DNAAF1: variants seen among roughly 807,000 people sequenced by gnomAD.
DNAAF1 encodes the protein dynein assembly factor 1, axonemal.
Under a neutral mutation model 71.1 loss-of-function variants are expected in DNAAF1, and 65 were observed. That is an observed-to-expected ratio of 0.91 (90% CI 0.75 to 1.12). The LOEUF is 1.12. Among genes scored for constraint, DNAAF1 ranks in the 50% most tolerant of loss-of-function variants. The pLI is 0.00. For missense variants in DNAAF1, 1,178 were observed against 899.8 expected (o/e 1.31, Z -3.96); for synonymous variants, 414 against 354.6 (o/e 1.17, Z -1.88).
chr16:84,147,344 T>C lies in DNAAF1; in HGVS notation c.125-1663T>C, dbSNP rs117038576. 5.1e-4 allele frequency among the ~76,000 whole-genome samples: 77 copies of C among 152,324 alleles called. 1 individual carries two copies. The highest frequency in any genetic ancestry group is 7.3e-4 in the Non-Finnish European group (50 of 68,032). On this transcript the variant is annotated intron_variant, in intron 1 of 11. Coordinates refer to ENST00000378553, the MANE Select transcript of DNAAF1 (RefSeq NM_178452.6). ...ACGCACAGCCTTTAGTCTTGTTCAA[T>C]AGACCACACAAACACAGAAAGCAGC... is the stretch of plus-strand genomic sequence containing the variant.
intron 9 of DNAAF1, 77 bp downstream of exon 9, chr16:84,172,452 G>C (rs1214037261): frequency 6.4e-7 from 1 of 1,567,048 alleles, no homozygotes; most frequent in Non-Finnish European, 8.7e-7. Context: ...GCAGACTTTG[G>C]AGACCCTCGA....
At chr16:84,160,508 C>T (rs907590897) in intron 6 of DNAAF1, among the ~76,000 whole-genome samples, 3 of 152,142 alleles carry the variant, frequency 2.0e-5, no homozygotes, top group Non-Finnish European at 4.4e-5. Flanking sequence ...ATATAGGCTA[C>T]TTGACGAGAT....
chr16:84,158,150 A>AG (rs1208686142), intron 5 of DNAAF1, among the ~76,000 whole-genome samples: 1 of 151,902 alleles, frequency 6.6e-6, no homozygotes, highest in Non-Finnish European at 1.5e-5. Context: ...GCTTGCAGCG[A>AG]CCCGAGATCG....
chr16:84,150,383 A>G, intron 3 of DNAAF1, 41 bp downstream of exon 3: 1 of 1,455,156 alleles, frequency 6.9e-7, no homozygotes. Flanking sequence ...TCAGGTGGAA[A>G]GATTCTGTCT....
At chr16:84,175,822 C>G in intron 10 of DNAAF1, 111 bp from the exon 11 acceptor site, 3 of 1,395,542 alleles carry the variant, frequency 2.1e-6, no homozygotes, top group Non-Finnish European at 3.0e-6. Context: ...TTGGATGTGG[C>G]AACAGAATAC....
At chr16:84,172,125 C>G (rs2088388074) in intron 8 of DNAAF1, 135 bp from the exon 9 acceptor site, 4 of 806,902 alleles carry the variant, frequency 5.0e-6, no homozygotes, top group Non-Finnish European at 8.5e-6. Context: ...GATCCGCCCA[C>G]CTTGGCCCCC....
In DNAAF1 at chr16:84,160,035, T is replaced by A. The variant is rs35219837; in HGVS notation, c.863+239T>A. 0.3 allele frequency among the ~76,000 whole-genome samples: 45,885 copies of A among 152,022 alleles called. 7,103 individuals are homozygous for A. Among genetic ancestry groups the A allele is most frequent in the East Asian group, 0.42 (2,149 of 5,156 alleles). ...GTCGTTTACCTCTTTGCTGATGAGT[T>A]CCTTGGAATGGAATTTTTGGAGTAG... On this transcript the variant is annotated intron_variant, in intron 6 of 11. Coordinates refer to ENST00000378553, the MANE Select transcript of DNAAF1 (RefSeq NM_178452.6).
Position 84,170,078 on chromosome 16 carries a change from C to T in DNAAF1, c.1250C>T (p.Pro417Leu), listed in dbSNP as rs1209071071. 2 of 1,612,616 alleles carry T rather than the reference C, an allele frequency of 1.2e-6. No individual in the cohort carries two copies. Among genetic ancestry groups the T allele is most frequent in the Non-Finnish European group, 8.5e-7 (1 of 1,179,438 alleles). The change falls in exon 8 of 12, where the codon CCA (proline) becomes CTA (leucine). Residue 417 changes from proline (P) to leucine (L), a missense_variant. By Grantham distance (98) the Pro-to-Leu change is moderately conservative (BLOSUM62 -3). Transcript: ENST00000378553. Reference protein sequence around the residue: ...DGGPEPEGTLPAETLLLSSPV... With the variant: ...DGGPEPEGTLLAETLLLSSPV... ...GGTCCAGAGCCAGAGGGGACCCTCC[C>T]AGCTGAGACCCTGCTACTGTCGTCA...
rs2088240230 is a variant in DNAAF1 at position 84,170,027 on chromosome 16, C to T, written c.1199C>T (p.Pro400Leu). ...GAAAAGCCAAGTGGAGAGGAGCCGC[C>T]TGTGGAGGCTAAAAGAGAGGATGGA... Reference protein sequence around the residue: ...CPEKPSGEEPPVEAKREDGGP... With the variant: ...CPEKPSGEEPLVEAKREDGGP... Residue 400 changes from proline to leucine, a missense_variant, in exon 8 of 12, where the codon CCT (proline) becomes CTT (leucine). By Grantham distance (98) the Pro-to-Leu change is moderately conservative (BLOSUM62 -3). Coordinates refer to ENST00000378553, the MANE Select transcript of DNAAF1 (RefSeq NM_178452.6). The T allele has an allele frequency of 2.5e-6, 4 of 1,613,758 alleles. No homozygotes were observed. In the South Asian group the frequency reaches 4.4e-5, roughly 18 times the overall value.
chr16:84,145,479 A>T lies in DNAAF1; in HGVS notation c.39A>T (p.Ala13=). The change falls in exon 1 of 12, where the codon GCA becomes GCT. Residue 13 remains alanine, a synonymous_variant. Transcript: ENST00000378553. ...CCTCGGAGCCTGCGACAGGTGGTGCAGCAGAGCTGGATTGCGCGCAGGAGC... is the reference window on the plus strand; with the variant it reads ...CCTCGGAGCCTGCGACAGGTGGTGCTGCAGAGCTGGATTGCGCGCAGGAGC... ...PEPSEPATGG[A]AELDCAQEPG... The T allele has an allele frequency of 6.3e-7, 1 of 1,576,690 alleles. No homozygotes were observed. Among genetic ancestry groups the T allele is most frequent in the South Asian group, 1.2e-5 (1 of 85,840 alleles).
At chr16:84,165,212 A>AT (rs1195153144) in intron 6 of DNAAF1, among the ~76,000 whole-genome samples, 1 of 151,726 alleles carries the variant, frequency 6.6e-6, no homozygotes, top group Non-Finnish European at 1.5e-5. Context: ...CTGCCTTTTC[A>AT]TTTTTTTAAA....
chr16:84,167,526 A>AGATGT (rs1456893854), intron 7 of DNAAF1, among the ~76,000 whole-genome samples: 2 of 152,292 alleles, frequency 1.3e-5, no homozygotes, highest in East Asian at 3.9e-4. Context: ...TTCGAACAAA[A>AGATGT]GATGTGCCTG....
chr16:84,153,179 A>C (rs2087262308), intron 3 of DNAAF1, among the ~76,000 whole-genome samples: 1 of 152,180 alleles, frequency 6.6e-6, no homozygotes, highest in African/African-American at 2.4e-5. Context: ...ATAGATACTG[A>C]CTTCAGCATG....
At chr16:84,163,873 T>TG (rs1555523655) in intron 6 of DNAAF1, among the ~76,000 whole-genome samples, 3,000 of 149,402 alleles carry the variant, frequency 0.02, 65 homozygotes, top group African/African-American at 0.049. Flanking sequence ...TTTTTTTTTT[T>TG]GTGGGGGACA....
intron 7 of DNAAF1, among the ~76,000 whole-genome samples, chr16:84,166,382 T>C (rs2087998798): frequency 6.7e-6 from 1 of 148,562 alleles, no homozygotes; most frequent in Admixed American, 6.7e-5. Flanking sequence ...TTTTTTTTTT[T>C]TTTTTTTTGG....
intron 9 of DNAAF1, chr16:84,173,135 G>A: frequency 1.0e-6 from 1 of 985,946 alleles, no homozygotes; most frequent in Non-Finnish European, 1.2e-6. Flanking sequence ...TGTTTCTAAT[G>A]TTCAAACTTC....
chr16:84,177,673 C>A (rs560084405), intron 11 of DNAAF1, 56 bp from the exon 12 acceptor site: 4 of 1,495,864 alleles, frequency 2.7e-6, no homozygotes, highest in African/African-American at 2.7e-5. Flanking sequence ...GGCTGCCCCC[C>A]TGTCCTTGCA....
chr16:84,165,088 G>C (rs1247205692), intron 6 of DNAAF1, among the ~76,000 whole-genome samples: 1 of 152,096 alleles, frequency 6.6e-6, no homozygotes, highest in Non-Finnish European at 1.5e-5. Flanking sequence ...CATTTGCCCA[G>C]TTTTTTATTG....
chr16:84,176,293 T>TCTC lies in DNAAF1; in HGVS notation c.2061_2063dup (p.Pro688dup), dbSNP rs776738547. ...GGACAGCGACTTCCTTGCAGCCTCT[T>TCTC]CTCCGGGTAAGAGCGTGGGGCCGAG... On this transcript the variant is annotated inframe_insertion, in exon 11 of 12. Transcript: ENST00000378553. The TCTC allele has an allele frequency of 2.2e-4, 347 of 1,613,074 alleles. No homozygotes were observed. Among genetic ancestry groups the TCTC allele is most frequent in the South Asian group, 8.3e-4 (76 of 91,066 alleles).
Sources: allele counts gnomAD v4.1 joint callset (sites outside exome capture counted in the v4.1 genomes callset), GRCh38; gene constraint gnomAD v4.1.1; transcripts MANE v1.5; gene names NCBI Gene and HGNC (gene_info 2026-07-23, HGNC 2026-07-21).